ASTN2: variants seen among roughly 807,000 people sequenced by gnomAD.
The protein encoded by ASTN2 is astrotactin 2.
In ASTN2, 54 loss-of-function variants were observed where a neutral mutation model predicts 139.8. The observed-to-expected ratio is 0.39, with a 90% CI of 0.31 to 0.48. ASTN2 has a LOEUF of 0.48. Ranked by LOEUF, ASTN2 falls within the 20% of genes least tolerant of loss-of-function variation. The pLI is 0.95. For synonymous variants in ASTN2, 756 were observed against 719.5 expected (o/e 1.05, Z -0.81); for missense variants, 1,565 against 1,725.1 (o/e 0.91, Z 1.64).
chr9:117,358,161 C>G (rs1337781756), intron 1 of ASTN2, among the ~76,000 whole-genome samples: 3 of 151,874 alleles, frequency 2.0e-5, no homozygotes, highest in African/African-American at 7.3e-5. Flanking sequence ...CCAGGATATG[C>G]CTATTAGTTT....
chr9:116,986,413 G>T lies in ASTN2; in HGVS notation c.1592-9628C>A, dbSNP rs73655568. 2.5e-3 allele frequency among the ~76,000 whole-genome samples: 374 copies of T among 152,254 alleles called. 3 individuals carry two copies. The highest frequency in any genetic ancestry group is 8.1e-3 in the African/African-American group (337 of 41,546). On this transcript the variant is annotated intron_variant, in intron 7 of 22. Transcript: ENST00000313400. The stretch of plus-strand genomic sequence containing the variant: ...TATTTTTTCTACCTTCAAGCAGCTG[G>T]CATTAGCGTAGGAAGACTTGGAGGA...
At chr9:116,796,648 A>C (rs1277424472) in intron 13 of ASTN2, among the ~76,000 whole-genome samples, 2 of 152,146 alleles carry the variant, frequency 1.3e-5, no homozygotes, top group African/African-American at 4.8e-5. Flanking sequence ...GTTGTCAGGA[A>C]CTGGGTGAAG....
intron 3 of ASTN2, among the ~76,000 whole-genome samples, chr9:117,200,080 T>A (rs991170129): frequency 6.6e-6 from 1 of 151,050 alleles, no homozygotes. Context: ...TATTATTTTT[T>A]AAATTTTATT....
At chr9:116,585,220 T>C (rs2131720610) in intron 19 of ASTN2, 1 of 152,342 alleles carries the variant, frequency 6.6e-6, no homozygotes, top group East Asian at 1.9e-4. Context: ...ATCCCAATTC[T>C]GCCTTAGACA....
chr9:117,044,941 G>T (rs761223073), intron 5 of ASTN2, among the ~76,000 whole-genome samples: 3 of 152,090 alleles, frequency 2.0e-5, no homozygotes, highest in South Asian at 4.2e-4. Flanking sequence ...TAAATGACTT[G>T]TGTAAGGATC....
chr9:117,167,455 C>T (rs1334905566), intron 3 of ASTN2, among the ~76,000 whole-genome samples: 1 of 151,992 alleles, frequency 6.6e-6, no homozygotes, highest in Non-Finnish European at 1.5e-5. Flanking sequence ...TCATTTTAAC[C>T]ACCCTTCCTA....
chr9:116,705,358 G>A (rs538298964), intron 16 of ASTN2, among the ~76,000 whole-genome samples: 1 of 152,282 alleles, frequency 6.6e-6, no homozygotes, highest in South Asian at 2.1e-4. Context: ...AAACTGGTAA[G>A]GGAAAGTCTA....
At chr9:116,756,112 T>C (rs1439277981) in intron 13 of ASTN2, among the ~76,000 whole-genome samples, 1 of 152,230 alleles carries the variant, frequency 6.6e-6, no homozygotes, top group Non-Finnish European at 1.5e-5. Flanking sequence ...AGATAAATAT[T>C]GTTTGGGGCT....
At chr9:117,085,532 G>A (rs1003853800) in intron 5 of ASTN2, among the ~76,000 whole-genome samples, 4 of 152,156 alleles carry the variant, frequency 2.6e-5, no homozygotes, top group Non-Finnish European at 5.9e-5. Context: ...AGTCATCCTT[G>A]TCATACGTTT....
At chr9:117,323,909 C>G (rs1003152037) in intron 1 of ASTN2, among the ~76,000 whole-genome samples, 1 of 152,112 alleles carries the variant, frequency 6.6e-6, no homozygotes, top group African/African-American at 2.4e-5. Flanking sequence ...TTCACTTAAT[C>G]GACCAACAAA....
rs367864363 is a variant in ASTN2 at position 116,620,346 on chromosome 9, T to C, written c.3170A>G (p.Asn1057Ser). The change falls in exon 18 of 23, where the codon AAT becomes AGT. Residue 1057 changes from asparagine to serine, a missense_variant. Transcript: ENST00000313400. ...AAGGGGGCTGCAGTTGGGGAGCCCA[T>C]TGGCATCAAAGGCGCTGAGGTCACA... ...CRCDLSAFDA[N>S]GLPNCSPLLQ... The C allele has an allele frequency of 8.7e-5, 140 of 1,613,974 alleles. No homozygotes were observed. Among genetic ancestry groups the C allele is most frequent in the Middle Eastern group, 3.3e-4 (2 of 6,084 alleles).
intron 12 of ASTN2, among the ~76,000 whole-genome samples, chr9:116,819,233 C>A (rs7041957): frequency 0.031 from 4,688 of 152,200 alleles, 245 homozygotes; most frequent in African/African-American, 0.11. Context: ...CCCAAACACA[C>A]AGAGAGAAAA....
chr9:117,095,532 C>T (rs987530894), intron 5 of ASTN2, among the ~76,000 whole-genome samples: 8 of 152,122 alleles, frequency 5.3e-5, no homozygotes, highest in African/African-American at 1.7e-4. Flanking sequence ...TACCTCTGGT[C>T]TGGTAAGTAA....
chr9:116,959,657 C>T (rs1301190345), intron 10 of ASTN2, among the ~76,000 whole-genome samples: 2 of 152,116 alleles, frequency 1.3e-5, no homozygotes, highest in Admixed American at 1.3e-4. Flanking sequence ...ACTCCCAGCT[C>T]AGAAAGGACA....
chr9:116,794,584 G>T (rs1312963553), intron 13 of ASTN2, among the ~76,000 whole-genome samples: 1 of 152,218 alleles, frequency 6.6e-6, no homozygotes, highest in Admixed American at 6.5e-5. Flanking sequence ...TTCAATCCTG[G>T]CTCCATTATT....
At chr9:117,097,430 A>G (rs1031429515) in intron 4 of ASTN2, among the ~76,000 whole-genome samples, 2 of 152,136 alleles carry the variant, frequency 1.3e-5, no homozygotes, top group African/African-American at 4.8e-5. Flanking sequence ...TACTCTAGAG[A>G]AGAAATAACC....
intron 19 of ASTN2, among the ~76,000 whole-genome samples, chr9:116,501,716 G>T (rs375585465): frequency 6.6e-6 from 1 of 151,950 alleles, no homozygotes; most frequent in African/African-American, 2.4e-5. Flanking sequence ...GTGGGGGCAG[G>T]GGGGAGGGAT....
In ASTN2 at chr9:116,731,720, G is replaced by A. The variant is rs563101914; in HGVS notation, c.2521+1679C>T. ...ATTACAGGCATGAGCCACTGCGCCC[G>A]GCCCATACCCTATATTTTAGAGGAA... On this transcript the variant is annotated intron_variant, in intron 14 of 22. Transcript: ENST00000313400. Among the ~76,000 whole-genome samples the A allele has an allele frequency of 3.9e-5, 6 of 152,262 alleles. No individual in the cohort carries two copies. The South Asian group carries it at 6.2e-4, about 16-fold the overall frequency.
chr9:116,943,989 A>T, intron 10 of ASTN2, among the ~76,000 whole-genome samples: 1 of 152,030 alleles, frequency 6.6e-6, no homozygotes, highest in Admixed American at 6.6e-5. Context: ...AGACGGATAT[A>T]GAAACCGACA....
Sources: allele counts gnomAD v4.1 joint callset (sites outside exome capture counted in the v4.1 genomes callset), GRCh38; gene constraint gnomAD v4.1.1; transcripts MANE v1.5; gene names NCBI Gene and HGNC (gene_info 2026-07-23, HGNC 2026-07-21).